FBXO34: variants seen among roughly 807,000 people sequenced by gnomAD.
FBXO34 encodes F-box only protein 34.
A neutral mutation model predicts 24.5 loss-of-function variants in FBXO34; 12 were observed. The observed-to-expected ratio is 0.49, with a 90% CI of 0.31 to 0.79. The LOEUF is 0.79. FBXO34 is among the 30% of genes least tolerant of loss of function. The pLI, the probability that FBXO34 is intolerant of heterozygous loss-of-function variation, is 0.04. For synonymous variants in FBXO34, 320 were observed against 311.9 expected (o/e 1.03, Z -0.27); for missense variants, 823 against 857.7 (o/e 0.96, Z 0.51).
the FBXO34 span, among the ~76,000 whole-genome samples, chr14:55,425,366 A>T: frequency 1.3e-5 from 2 of 152,210 alleles, no homozygotes; most frequent in Non-Finnish European, 1.5e-5. Flanking sequence ...AAGGCTGGAG[A>T]CACAAAAAGA....
chr14:55,402,927 ATATATATATATATATATATATATATATAT>A, the FBXO34 span, among the ~76,000 whole-genome samples: 1 of 8,920 alleles, frequency 1.1e-4, no homozygotes, highest in Non-Finnish European at 1.9e-4. Context: ...AAAAAAAAAA[ATATATATATATATATATATATATATATAT>A]ATATATATAT....
the FBXO34 span, among the ~76,000 whole-genome samples, chr14:55,403,527 G>A: frequency 6.6e-6 from 1 of 151,936 alleles, no homozygotes; most frequent in African/African-American, 2.4e-5. Flanking sequence ...AAATAAAAGG[G>A]ATAGTCATAT....
At position 55,298,657 on chromosome 14, in the gene FBXO34, G is replaced by A. The variant is rs887205879; in HGVS notation, c.-11+27120G>A. 16 of 1,523,064 alleles carry A rather than the reference G, an allele frequency of 1.1e-5. No individual in the cohort carries two copies. The African/African-American group carries it at 1.8e-4, about 17-fold the overall frequency. The allele number at this position is 1,523,064 out of a possible 1,614,324, so 94.3% of individuals were successfully genotyped here. On this transcript the variant is annotated intron_variant, in intron 1 of 1. Coordinates refer to ENST00000313833, the MANE Select transcript of FBXO34 (RefSeq NM_017943.4). Reference sequence around the variant, plus strand: ...GCGCGGCGAGCGCTGTTCGGGGCTGGAGGGGGTAAGGCCGGCAAGGGCGGC... The same window carrying A: ...GCGCGGCGAGCGCTGTTCGGGGCTGAAGGGGGTAAGGCCGGCAAGGGCGGC...
At chr14:55,423,905 T>C in the FBXO34 span, among the ~76,000 whole-genome samples, 1 of 152,336 alleles carries the variant, frequency 6.6e-6, no homozygotes, top group East Asian at 1.9e-4. Flanking sequence ...CCATATATGT[T>C]ATCATGGATA....
chr14:55,437,091 T>G, the FBXO34 span: 1 of 1,347,002 alleles, frequency 7.4e-7, no homozygotes, highest in Admixed American at 1.7e-5. Flanking sequence ...GGGATGTCAC[T>G]ATGGCAGGCA....
At position 55,351,026 on chromosome 14, in the gene FBXO34, C is replaced by T; in HGVS notation, c.636C>T (p.Ala212=). Residue 212 remains alanine, a synonymous_variant, in exon 2 of 2, where the codon GCC becomes GCT. Transcript: ENST00000313833. The part of the protein sequence containing the change: ...GRPLSVIQMV[A]FLEQRASALL... The stretch of plus-strand genomic sequence containing the variant: ...CTCTGTCAGTTATACAGATGGTTGC[C>T]TTCTTGGAGCAAAGAGCCAGTGCTC... The T allele has an allele frequency of 1.2e-6, 2 of 1,614,166 alleles. No homozygotes were observed. The highest frequency in any genetic ancestry group is 2.2e-5 in the South Asian group (2 of 91,086).
chr14:55,441,100 C>T, the FBXO34 span, among the ~76,000 whole-genome samples: 8 of 152,200 alleles, frequency 5.3e-5, no homozygotes, highest in Admixed American at 4.6e-4. Flanking sequence ...CCCGCCTCGG[C>T]CTCCCAAAGT....
chr14:55,278,957 G>T (rs931291311), intron 1 of FBXO34, among the ~76,000 whole-genome samples: 15 of 152,064 alleles, frequency 9.9e-5, no homozygotes, highest in African/African-American at 3.4e-4. Context: ...AAAATGCTGG[G>T]ATTATAGGCG....
In FBXO34 at chr14:55,352,618, A is replaced by G. The variant is rs1884433016; in HGVS notation, c.*92A>G. The G allele has an allele frequency of 1.9e-6, 2 of 1,029,934 alleles. No homozygotes were observed. The highest frequency in any genetic ancestry group is 2.8e-6 in the Non-Finnish European group (2 of 715,280). 63.8% of individuals were successfully genotyped at this position (1,029,934 alleles called of 1,614,324 possible). ...AATGAGCGTAGCCCCCTGAGTCATC[A>G]CTCTAGAAGAATCTGTACATCATCA... is the stretch of plus-strand genomic sequence containing the variant. On this transcript the variant is annotated 3_prime_UTR_variant, in exon 2 of 2. Transcript: ENST00000313833.
chr14:55,323,184 CAAAAAAAAAAAAAAAAA>C (rs368380622), intron 1 of FBXO34, among the ~76,000 whole-genome samples: 37 of 12,160 alleles, frequency 3.0e-3, no homozygotes, highest in Non-Finnish European at 4.1e-3. Context: ...GACTCTGTCT[CAAAAAAAAAAAAAAAAA>C]AAAAAAAAAA....
intron 1 of FBXO34, among the ~76,000 whole-genome samples, chr14:55,299,991 A>G (rs980141420): frequency 2.0e-5 from 3 of 152,182 alleles, no homozygotes; most frequent in African/African-American, 7.2e-5. Context: ...CAGAGTGGAT[A>G]TTATTTCATT....
intron 1 of FBXO34, among the ~76,000 whole-genome samples, chr14:55,332,720 T>C (rs949646437): frequency 5.9e-5 from 9 of 152,346 alleles, no homozygotes; most frequent in African/African-American, 2.2e-4. Context: ...ACTTTTAGTT[T>C]ATCAGAAAAT....
the FBXO34 span, chr14:55,385,788 G>A: frequency 2.4e-6 from 3 of 1,268,150 alleles, no homozygotes; most frequent in Non-Finnish European, 3.3e-6. Flanking sequence ...CAATAAATAA[G>A]GTAATGACAT....
chr14:55,282,441 T>C (rs569635260), intron 1 of FBXO34: 15 of 262,846 alleles, frequency 5.7e-5, no homozygotes, highest in Non-Finnish European at 1.1e-4. Flanking sequence ...TTTTTTTCAT[T>C]GTAGACAGCA....
intron 1 of FBXO34, among the ~76,000 whole-genome samples, chr14:55,306,657 A>G (rs1262914809): frequency 6.6e-6 from 1 of 152,032 alleles, no homozygotes; most frequent in Non-Finnish European, 1.5e-5. Context: ...ACATGGCGAA[A>G]CCCTGTCTCT....
Position 55,271,469 on chromosome 14 carries a change from C to T in FBXO34, c.-79C>T, listed in dbSNP as rs1004604746. On this transcript the variant is annotated 5_prime_UTR_variant, in exon 1 of 2. Transcript: ENST00000313833. The stretch of plus-strand genomic sequence containing the variant: ...GAGTGAGCCAGGCCTCCCGCCACCG[C>T]TGCTGCCGCCACCACTGCGTCGGGC... 4 of 151,920 alleles carry T rather than the reference C, an allele frequency of 2.6e-5. No individual in the cohort carries two copies. Among genetic ancestry groups the T allele is most frequent in the Non-Finnish European group, 5.9e-5 (4 of 68,018 alleles). The allele number at this position is 151,920 out of a possible 1,614,324, so 9.4% of individuals were successfully genotyped here.
chr14:55,438,294 T>C, the FBXO34 span, among the ~76,000 whole-genome samples: 3 of 152,184 alleles, frequency 2.0e-5, no homozygotes, highest in Admixed American at 2.0e-4. Flanking sequence ...GGGTGACTAA[T>C]TGTTTAAAGA....
chr14:55,405,017 A>G, the FBXO34 span, among the ~76,000 whole-genome samples: 2 of 152,218 alleles, frequency 1.3e-5, no homozygotes, highest in African/African-American at 2.4e-5. Context: ...CTAGCTGAAA[A>G]TAAGTTATAT....
At chr14:55,379,392 A>T in the FBXO34 span, among the ~76,000 whole-genome samples, 1 of 151,858 alleles carries the variant, frequency 6.6e-6, no homozygotes, top group Non-Finnish European at 1.5e-5. Context: ...ACAAAAAAAA[A>T]TTAGCCAGGT....
Sources: allele counts gnomAD v4.1 joint callset (sites outside exome capture counted in the v4.1 genomes callset), GRCh38; gene constraint gnomAD v4.1.1; transcripts MANE v1.5; gene names NCBI Gene and HGNC (gene_info 2026-07-23, HGNC 2026-07-21).